Variants in AGPAT3 observed in about 807,000 individuals in gnomAD.
The protein encoded by AGPAT3 is 1-acylglycerol-3-phosphate O-acyltransferase 3.
AGPAT3 carries 5 observed loss-of-function variants against 47.3 expected under a neutral mutation model. That is an observed-to-expected ratio of 0.11 (90% CI 0.06 to 0.22). The LOEUF is 0.22. AGPAT3 is among the 10% of genes least tolerant of loss of function. The pLI is 1.00. For missense variants in AGPAT3, 315 were observed against 493.0 expected, an observed-to-expected ratio of 0.64 and a Z score of 3.42; for synonymous variants, 212 against 208.3, an observed-to-expected ratio of 1.02 and a Z score of -0.15.
intron 7 of AGPAT3, among the ~76,000 whole-genome samples, chr21:43,975,386 G>A (rs542270763): frequency 7.9e-5 from 12 of 151,890 alleles, no homozygotes; most frequent in Admixed American, 5.9e-4. Flanking sequence ...GCATGTGTCG[G>A]TGTGTGCACT....
At position 43,880,669 on chromosome 21, in the gene AGPAT3, T is replaced by A. The variant is rs760583093; in HGVS notation, c.-112+15324T>A. Among the ~76,000 whole-genome samples the A allele has an allele frequency of 5.3e-5, 8 of 152,210 alleles. No homozygotes were observed. The highest frequency in any genetic ancestry group is 1.2e-4 in the Non-Finnish European group (8 of 68,032). On this transcript the variant is annotated intron_variant, in intron 1 of 9. Coordinates refer to ENST00000291572, the MANE Select transcript of AGPAT3 (RefSeq NM_020132.5). This position sits in a 1 kb window ranked among gnomAD's most constrained non-coding sequence, Gnocchi z 4.5. ...CAGTCACATTTATGGTAGGACAGAT[T>A]CATTTCACAATGATTTTGCCAATTA...
rs747627175 is a variant in AGPAT3, at chr21:43,930,082, G to A, written c.-49+26063G>A. ...ACTTCTGTGTACATCATCCAGCCCC[G>A]TTTTCACGTTCAGGAAGTCACGAAT... On this transcript the variant is annotated intron_variant, in intron 2 of 9. Coordinates refer to ENST00000291572, the MANE Select transcript of AGPAT3 (RefSeq NM_020132.5). This position sits in a 1 kb window ranked among gnomAD's most constrained non-coding sequence, Gnocchi z 5.0. Among the ~76,000 whole-genome samples the A allele has an allele frequency of 6.6e-6, 1 of 152,218 alleles. No homozygotes were observed. The highest frequency in any genetic ancestry group is 1.5e-5 in the Non-Finnish European group (1 of 68,040).
At chr21:43,965,623 T>C (rs2146705588) in intron 3 of AGPAT3, 1 of 152,632 alleles carries the variant, frequency 6.6e-6, no homozygotes, top group Admixed American at 6.5e-5. Flanking sequence ...GTTGTTGTTG[T>C]TGTTTTGAGA....
At chr21:43,878,067 C>T (rs2085772974) in intron 1 of AGPAT3, among the ~76,000 whole-genome samples, 1 of 152,172 alleles carries the variant, frequency 6.6e-6, no homozygotes, top group Non-Finnish European at 1.5e-5. Context: ...CAAGAGGCAG[C>T]CTTTCAGTGG....
intron 2 of AGPAT3, among the ~76,000 whole-genome samples, chr21:43,953,417 G>A (rs2088297087): frequency 1.3e-5 from 2 of 152,260 alleles, no homozygotes; most frequent in African/African-American, 4.8e-5. Context: ...GACATGGAGG[G>A]AGTGCCGTGA....
Position 43,967,951 on chromosome 21 carries a change from G to T in AGPAT3, c.184G>T (p.Val62Phe). Residue 62 changes from valine to phenylalanine, a missense_variant, in exon 4 of 10, where the codon GTC (valine) becomes TTC (phenylalanine). Coordinates refer to ENST00000291572, the MANE Select transcript of AGPAT3 (RefSeq NM_020132.5). ...RLAYSLWSQL[V>F]MLLEWWSCTE... ...CGCCCTCCCCCTGTCCGCAGAACTG[G>T]TCATGCTGCTGGAGTGGTGGTCCTG... The T allele has an allele frequency of 1.2e-6, 2 of 1,613,892 alleles. No individual in the cohort carries two copies. Among genetic ancestry groups the T allele is most frequent in the Non-Finnish European group, 1.7e-6 (2 of 1,179,952 alleles).
intron 1 of AGPAT3, among the ~76,000 whole-genome samples, chr21:43,884,162 A>G (rs1385010888): frequency 1.3e-5 from 2 of 152,120 alleles, no homozygotes; most frequent in Admixed American, 6.5e-5. Flanking sequence ...ACGTTCCCAG[A>G]TAGTCCCCAG....
At chr21:43,888,305 G>A (rs1448002503) in intron 1 of AGPAT3, among the ~76,000 whole-genome samples, 1 of 152,218 alleles carries the variant, frequency 6.6e-6, no homozygotes, top group Non-Finnish European at 1.5e-5. Context: ...CTTCCAAAAT[G>A]TTGGAATGAC....
chr21:43,897,665 G>A (rs1014850310), intron 1 of AGPAT3, among the ~76,000 whole-genome samples: 2 of 151,806 alleles, frequency 1.3e-5, no homozygotes, highest in Middle Eastern at 3.4e-3. Context: ...CAGACGGGGC[G>A]GCCGGGCAGA....
intron 2 of AGPAT3, among the ~76,000 whole-genome samples, chr21:43,936,626 T>C (rs1335778020): frequency 1.3e-5 from 2 of 152,266 alleles, no homozygotes. Flanking sequence ...ACTTCTGTTC[T>C]ATCACAGCCG....
At chr21:43,907,021 T>TTTTC (rs1252878465) in intron 2 of AGPAT3, among the ~76,000 whole-genome samples, 2 of 150,004 alleles carry the variant, frequency 1.3e-5, no homozygotes, top group African/African-American at 2.5e-5. Context: ...GGTCTGTTTC[T>TTTTC]TTTCTTTCTT....
At chr21:43,943,040 G>T (rs1363697260) in intron 2 of AGPAT3, among the ~76,000 whole-genome samples, 2 of 152,202 alleles carry the variant, frequency 1.3e-5, no homozygotes, top group Non-Finnish European at 2.9e-5. Context: ...TGGCCAGGGT[G>T]CATGGTCATG....
rs1200815935 is a variant in AGPAT3 at position 43,923,000 on chromosome 21, G to T, written c.-49+18981G>T. Among the ~76,000 whole-genome samples the T allele has an allele frequency of 6.6e-6, 1 of 152,208 alleles. No homozygotes were observed. The highest frequency in any genetic ancestry group is 6.5e-5 in the Admixed American group (1 of 15,290). On this transcript the variant is annotated intron_variant, in intron 2 of 9. Coordinates refer to ENST00000291572, the MANE Select transcript of AGPAT3 (RefSeq NM_020132.5). The surrounding 1 kb of genome is among the most constrained non-coding windows in gnomAD (Gnocchi z 4.9). Reference sequence around the variant, plus strand: ...TTCTTTCTCCCCATGCTCACACGGGGTTTTTAGACTTTGTGAAGGGTGTGC... The same window carrying T: ...TTCTTTCTCCCCATGCTCACACGGGTTTTTTAGACTTTGTGAAGGGTGTGC...
chr21:43,963,031 T>C (rs1452157734), intron 3 of AGPAT3, among the ~76,000 whole-genome samples: 1 of 152,084 alleles, frequency 6.6e-6, no homozygotes, highest in Admixed American at 6.6e-5. Context: ...CAGAACCAAG[T>C]AGAACTGCTC....
At chr21:43,948,498 T>G (rs2088018893) in intron 2 of AGPAT3, among the ~76,000 whole-genome samples, 1 of 152,070 alleles carries the variant, frequency 6.6e-6, no homozygotes, top group African/African-American at 2.4e-5. Flanking sequence ...GGGGCTGGGC[T>G]TCCCTCCCAT....
At chr21:43,884,664 C>T (rs1296117397) in intron 1 of AGPAT3, among the ~76,000 whole-genome samples, 1 of 151,010 alleles carries the variant, frequency 6.6e-6, no homozygotes, top group Non-Finnish European at 1.5e-5. Context: ...GCTGGGGTGG[C>T]CTGGTGCTGG....
At chr21:43,893,754 G>A (rs2086151318) in intron 1 of AGPAT3, among the ~76,000 whole-genome samples, 1 of 152,152 alleles carries the variant, frequency 6.6e-6, no homozygotes, top group Non-Finnish European at 1.5e-5. Context: ...GAGCCGCTCG[G>A]CCGAGCAGTT....
chr21:43,941,607 C>A (rs2087658160), intron 2 of AGPAT3, among the ~76,000 whole-genome samples: 1 of 152,172 alleles, frequency 6.6e-6, no homozygotes, highest in African/African-American at 2.4e-5. Flanking sequence ...GGATTTGGGG[C>A]CTCTGAGAGT....
intron 2 of AGPAT3, among the ~76,000 whole-genome samples, chr21:43,944,022 G>C (rs2087769651): frequency 6.6e-6 from 1 of 152,196 alleles, no homozygotes; most frequent in Non-Finnish European, 1.5e-5. Context: ...CGGCAGAGCT[G>C]GGTGTTCTCC....
Sources: gnomAD v4.1 joint callset for allele counts (sites outside exome capture counted in the v4.1 genomes callset) on GRCh38, gnomAD v4.1.1 for gene constraint, Gnocchi (gnomAD v3.1) non-coding constraint, MANE v1.5 for transcripts, NCBI Gene and HGNC (gene_info 2026-07-23, HGNC 2026-07-21) for gene names.